Variants in PPP1R10 observed in about 807,000 individuals in gnomAD.
PPP1R10 encodes the protein protein phosphatase 1 regulatory subunit 10.
PPP1R10 carries 15 observed loss-of-function variants against 99.0 expected under a neutral mutation model. The ratio of observed to expected loss-of-function variants is 0.15; its 90% CI spans 0.10 to 0.23. The LOEUF (loss-of-function observed/expected upper bound fraction) is 0.23, where lower values mean the gene tolerates loss of function less well. PPP1R10 is among the 10% of genes least tolerant of loss of function. The probability of loss-of-function intolerance (pLI) is 1.00; values close to 1 mark genes in which losing one functional copy is unlikely to be tolerated. For synonymous variants in PPP1R10, 430 were observed against 449.5 expected (o/e 0.96, Z 0.55); for missense variants, 947 against 1,259.4 (o/e 0.75, Z 3.75).
At chr6:30,605,183 G>A in intron 10 of PPP1R10, 89 bp from the exon 11 acceptor site, 1 of 1,183,264 alleles carries the variant, frequency 8.5e-7, no homozygotes, top group Non-Finnish European at 1.2e-6. Flanking sequence ...AAATGAGCCA[G>A]TGAAGACCCT....
At position 30,602,742 on chromosome 6, in the gene PPP1R10, C is replaced by G. The variant is rs1245000480; in HGVS notation, c.1958-51G>C. 1.9e-6 allele frequency: 3 copies of G among 1,582,278 alleles called. No individual in the cohort carries two copies. Among genetic ancestry groups the G allele is most frequent in the South Asian group, 2.3e-5 (2 of 87,518 alleles). ...AGTATCAGCTACCAGGAACTGCCAT[C>G]TCCCAACCTAAACCACCACCTCCCA... On this transcript the variant is annotated intron_variant, in intron 18 of 19. Transcript: ENST00000376511. The surrounding 1 kb of genome is among the most constrained non-coding windows in gnomAD (Gnocchi z 6.7).
chr6:30,603,415 G>C, intron 16 of PPP1R10, 57 bp downstream of exon 16: 1 of 1,592,370 alleles, frequency 6.3e-7, no homozygotes, highest in Non-Finnish European at 8.6e-7. Context: ...AGACAGTGAG[G>C]AGAGCGAGCT....
chr6:30,615,589 CA>C (rs947343686), intron 2 of PPP1R10, among the ~76,000 whole-genome samples: 1 of 152,176 alleles, frequency 6.6e-6, no homozygotes, highest in Non-Finnish European at 1.5e-5. Flanking sequence ...TTTAACGACA[CA>C]AATCTTTTAG....
Position 30,601,863 on chromosome 6 carries a change from T to C in PPP1R10, c.2713+73A>G, listed in dbSNP as rs1582634214. 8 of 1,444,500 alleles carry C rather than the reference T, an allele frequency of 5.5e-6. No individual in the cohort carries two copies. The East Asian group carries it at 2.0e-4, about 36-fold the overall frequency. The allele number at this position is 1,444,500 out of a possible 1,614,324, so 89.5% of individuals were successfully genotyped here. ...CGTTCTGCCTAGCTACCAACAGTAG[T>C]GACTCTCACCCACTCCCCAAAAGCT... On this transcript the variant is annotated intron_variant, in intron 19 of 19. Transcript: ENST00000376511.
In PPP1R10 at chr6:30,604,132, C is replaced by T. The variant is rs1803672549; in HGVS notation, c.1384G>A (p.Val462Met). ...HDNMEEKVPW[V>M]CPRPLVLPSP... ...GGCAGAACCAGGGGCCGGGGGCACACCCAGGGCACCTTCTCCTCCATGTTA... is the reference window on the plus strand; with the variant it reads ...GGCAGAACCAGGGGCCGGGGGCACATCCAGGGCACCTTCTCCTCCATGTTA... The change falls in exon 14 of 20, where the codon GTG becomes ATG. Residue 462 changes from valine to methionine, a missense_variant. Around this residue, in one of 10 missense-constraint regions of PPP1R10, gnomAD observed 50 missense variants for 78.6 expected, o/e 0.64. Coordinates refer to ENST00000376511, the MANE Select transcript of PPP1R10 (RefSeq NM_002714.4). The surrounding 1 kb of genome is among the most constrained non-coding windows in gnomAD (Gnocchi z 7.3). 1 of 1,614,136 alleles carries T rather than the reference C, an allele frequency of 6.2e-7. No homozygotes were observed. The highest frequency in any genetic ancestry group is 1.3e-5 in the African/African-American group (1 of 75,022).
In PPP1R10 at chr6:30,602,336, T is replaced by G. The variant is rs151205230; in HGVS notation, c.2313A>C (p.Glu771Asp). The G allele has an allele frequency of 7.7e-4, 1,244 of 1,611,998 alleles. 2 individuals are homozygous for G. The highest frequency in any genetic ancestry group is 1.2e-3 in the Admixed American group (72 of 59,950). ...MGNSSGHRPH[E>D]GPGGGMGSGH... The stretch of plus-strand genomic sequence containing the variant: ...CACTTCCCATGCCACCGCCAGGGCC[T>G]TCGTGGGGACGATGTCCACTGCTGT... Residue 771 changes from glutamate (E) to aspartate (D), a missense_variant, in exon 19 of 20, where the codon GAA becomes GAC. This residue lies in a region of PPP1R10 where 525 missense variants were observed against 578.8 expected (regional missense o/e 0.91). Transcript: ENST00000376511. The surrounding 1 kb of genome is among the most constrained non-coding windows in gnomAD (Gnocchi z 6.7).
intron 2 of PPP1R10, among the ~76,000 whole-genome samples, chr6:30,612,049 T>C (rs1804613143): frequency 6.6e-6 from 1 of 152,186 alleles, no homozygotes; most frequent in South Asian, 2.1e-4. Flanking sequence ...GGAAAAGCAA[T>C]GTATGGGTTC....
Position 30,601,673 on chromosome 6 carries a change from G to C in PPP1R10, c.2714-15C>G. On this transcript the variant is annotated splice_polypyrimidine_tract_variant and intron_variant, in intron 19 of 19. Coordinates refer to ENST00000376511, the MANE Select transcript of PPP1R10 (RefSeq NM_002714.4). ...GTTTGACATGTCTGTGGGAACGATG[G>C]CAAAACAGTTAGACAGGAAATAGCT... 1 of 1,609,032 alleles carries C rather than the reference G, an allele frequency of 6.2e-7. No homozygotes were observed. The highest frequency in any genetic ancestry group is 8.5e-7 in the Non-Finnish European group (1 of 1,175,674).
chr6:30,611,908 C>A (rs752890718), intron 2 of PPP1R10, among the ~76,000 whole-genome samples: 7 of 152,140 alleles, frequency 4.6e-5, no homozygotes, highest in Non-Finnish European at 1.0e-4. Flanking sequence ...GTGATTCCTA[C>A]ACACACAGAG....
Position 30,603,240 on chromosome 6 carries a change from C to T in PPP1R10, c.1813G>A (p.Asp605Asn). Reference sequence around the variant, plus strand: ...ATCTGCTTGATCTTGTCCGAATAGTCTGGTTGTTTCAGTAGTTCCTCTGAA... The same window carrying T: ...ATCTGCTTGATCTTGTCCGAATAGTTTGGTTGTTTCAGTAGTTCCTCTGAA... ...HPSEELLKQP[D>N]YSDKIKQMLV... The change falls in exon 17 of 20, where the codon GAC (aspartate) becomes AAC (asparagine). Residue 605 changes from aspartate to asparagine, a missense_variant. By Grantham distance (23) the Asp-to-Asn change is conservative. This residue lies in a region of PPP1R10 where 525 missense variants were observed against 578.8 expected (regional missense o/e 0.91). Transcript: ENST00000376511. 1 of 1,613,944 alleles carries T rather than the reference C, an allele frequency of 6.2e-7. No individual in the cohort carries two copies. Among genetic ancestry groups the T allele is most frequent in the Non-Finnish European group, 8.5e-7 (1 of 1,179,822 alleles).
chr6:30,613,588 T>A (rs1305287872), intron 2 of PPP1R10, among the ~76,000 whole-genome samples: 2 of 152,166 alleles, frequency 1.3e-5, no homozygotes. Flanking sequence ...CAAAAGCTTA[T>A]CTGCCTTCCA....
rs922615032 is a variant in PPP1R10 at position 30,600,700 on chromosome 6, G to A, written c.*849C>T. 3 of 152,598 alleles carry A rather than the reference G, an allele frequency of 2.0e-5. No individual in the cohort carries two copies. The highest frequency in any genetic ancestry group is 2.9e-5 in the Non-Finnish European group (2 of 68,044). 9.5% of individuals were successfully genotyped at this position (152,598 alleles called of 1,614,324 possible). ...GCTGGCAAGGTTCCAGGTGGGAGCA[G>A]GGAGTGAGCTGACTCCCAAAGGCAG... is the stretch of plus-strand genomic sequence containing the variant. On this transcript the variant is annotated 3_prime_UTR_variant, in exon 20 of 20. Coordinates refer to ENST00000376511, the MANE Select transcript of PPP1R10 (RefSeq NM_002714.4).
rs766269062 is a variant in PPP1R10, at chr6:30,609,868, T to C, written c.77A>G (p.Lys26Arg). The C allele has an allele frequency of 2.7e-5, 43 of 1,613,988 alleles. No individual in the cohort carries two copies. The highest frequency in any genetic ancestry group is 6.7e-5 in the East Asian group (3 of 44,892). The change falls in exon 3 of 20, where the codon AAA becomes AGA. Residue 26 changes from lysine (K) to arginine (R), a missense_variant. Lys to Arg is a conservative substitution (Grantham distance 26). This residue lies in a region of PPP1R10 where 82 missense variants were observed against 117.3 expected (regional missense o/e 0.70). Transcript: ENST00000376511. This position sits in a 1 kb window ranked among gnomAD's most constrained non-coding sequence, Gnocchi z 4.5. ...DSFLNRDGEV[K>R]SVDGISKIFS... Reference sequence around the variant, plus strand: ...GATCTTGGAAATCCCATCCACACTTTTGACTTCCCCATCTCGGTTAAGGAA... The same window carrying C: ...GATCTTGGAAATCCCATCCACACTTCTGACTTCCCCATCTCGGTTAAGGAA...
chr6:30,614,239 C>T (rs558628438), intron 2 of PPP1R10, among the ~76,000 whole-genome samples: 4 of 151,142 alleles, frequency 2.6e-5, no homozygotes, highest in African/African-American at 9.7e-5. Flanking sequence ...TTCATTAATG[C>T]TTTTAGGAAT....
In PPP1R10 at chr6:30,609,522, A is replaced by G. The variant is rs1194076414; in HGVS notation, c.107+316T>C. 1.3e-5 allele frequency among the ~76,000 whole-genome samples: 2 copies of G among 152,178 alleles called. No individual in the cohort carries two copies. Among genetic ancestry groups the G allele is most frequent in the Admixed American group, 6.5e-5 (1 of 15,272 alleles). ...CCCTGAAAAACCTGAGAATCCCTGA[A>G]GGAAAATAACATTATGGGTAGGTGG... On this transcript the variant is annotated intron_variant, in intron 3 of 19. Coordinates refer to ENST00000376511, the MANE Select transcript of PPP1R10 (RefSeq NM_002714.4). The surrounding 1 kb of genome is among the most constrained non-coding windows in gnomAD (Gnocchi z 4.5).
chr6:30,607,423 G>C (rs934706778), intron 6 of PPP1R10, among the ~76,000 whole-genome samples: 2 of 152,104 alleles, frequency 1.3e-5, no homozygotes, highest in African/African-American at 4.8e-5. Context: ...TTTTGTACTT[G>C]GCAAATAACA....
In PPP1R10 at chr6:30,601,919, A is replaced by T. The variant is rs750193843; in HGVS notation, c.2713+17T>A. On this transcript the variant is annotated intron_variant, in intron 19 of 19. Coordinates refer to ENST00000376511, the MANE Select transcript of PPP1R10 (RefSeq NM_002714.4). Reference sequence around the variant, plus strand: ...GGGACAACCAAAAGGCATATGGGGGACAGGGAGCATCCTCACCTCCTCCAT... The same window carrying T: ...GGGACAACCAAAAGGCATATGGGGGTCAGGGAGCATCCTCACCTCCTCCAT... 1.1e-4 allele frequency: 159 copies of T among 1,495,062 alleles called. 1 individual carries two copies. In the Middle Eastern group the frequency reaches 1.8e-3, roughly 17 times the overall value. 92.6% of individuals were successfully genotyped at this position (1,495,062 alleles called of 1,614,324 possible).
chr6:30,604,492 A>G lies in PPP1R10; in HGVS notation c.1122T>C (p.Ala374=). 6.2e-7 allele frequency: 1 copy of G among 1,612,940 alleles called. No homozygotes were observed. Residue 374 remains alanine, a synonymous_variant, in exon 13 of 20, where the codon GCT becomes GCC. Coordinates refer to ENST00000376511, the MANE Select transcript of PPP1R10 (RefSeq NM_002714.4). The surrounding 1 kb of genome is among the most constrained non-coding windows in gnomAD (Gnocchi z 7.3). The stretch of plus-strand genomic sequence containing the variant: ...GACTCTCCACTGGCTTGGCATCCAG[A>G]GCTCCTGGCTCCAAAGAGGCTGGAA... ...LMDTASLEPG[A]LDAKPVESPG...
chr6:30,616,052 AAAG>A (rs1305169835), intron 2 of PPP1R10, among the ~76,000 whole-genome samples: 14 of 152,184 alleles, frequency 9.2e-5, no homozygotes, highest in African/African-American at 2.9e-4. Flanking sequence ...TCTCACACAC[AAAG>A]AAGTGGTACT....
Sources: gnomAD v4.1 joint callset for allele counts (sites outside exome capture counted in the v4.1 genomes callset) on GRCh38, gnomAD v4.1.1 for gene constraint, gnomAD v4.1.1 regional missense constraint, Gnocchi (gnomAD v3.1) non-coding constraint, MANE v1.5 for transcripts, NCBI Gene and HGNC (gene_info 2026-07-23, HGNC 2026-07-21) for gene names.